The following RCAN2 variants were observed in gnomAD, a reference collection of about 807,000 sequenced individuals.
RCAN2 encodes the protein regulator of calcineurin 2.
RCAN2 carries 9 observed loss-of-function variants against 23.6 expected under a neutral mutation model. The ratio of observed to expected loss-of-function variants is 0.38; its 90% CI spans 0.23 to 0.67. The LOEUF (loss-of-function observed/expected upper bound fraction) is 0.67. RCAN2 is among the 30% of genes least tolerant of loss of function. RCAN2 has a pLI of 0.51. For synonymous variants in RCAN2, 109 were observed against 115.7 expected (o/e 0.94, Z 0.37); for missense variants, 273 against 302.3 (o/e 0.90, Z 0.72).
chr6:46,473,465 C>A (rs959104862), intron 1 of RCAN2, among the ~76,000 whole-genome samples: 3 of 152,024 alleles, frequency 2.0e-5, no homozygotes, highest in Non-Finnish European at 4.4e-5. Flanking sequence ...TCTCTTTAAA[C>A]AATAAACTAT....
intron 2 of RCAN2, among the ~76,000 whole-genome samples, chr6:46,337,533 T>C (rs1238860218): frequency 1.3e-5 from 2 of 152,242 alleles, no homozygotes; most frequent in African/African-American, 2.4e-5. Context: ...AAAGCAAACG[T>C]ACCATATTTG....
intron 1 of RCAN2, among the ~76,000 whole-genome samples, chr6:46,474,307 G>A (rs891328622): frequency 1.3e-5 from 2 of 152,042 alleles, no homozygotes; most frequent in Admixed American, 6.6e-5. Flanking sequence ...CATATTAAAA[G>A]AACTACAGGA....
intron 1 of RCAN2, among the ~76,000 whole-genome samples, chr6:46,479,960 T>A (rs1269785697): frequency 1.3e-5 from 2 of 152,186 alleles, no homozygotes; most frequent in Non-Finnish European, 2.9e-5. Context: ...TGAGGCAAAT[T>A]ACATAAGTCC....
At chr6:46,257,863 A>G (rs1174501655) in intron 2 of RCAN2, among the ~76,000 whole-genome samples, 2 of 152,316 alleles carry the variant, frequency 1.3e-5, no homozygotes, top group Middle Eastern at 3.4e-3. Flanking sequence ...TACTGCATAA[A>G]TATCACTGAT....
chr6:46,445,158 G>C (rs1458857605), intron 2 of RCAN2, among the ~76,000 whole-genome samples: 8 of 152,180 alleles, frequency 5.3e-5, no homozygotes, highest in African/African-American at 1.9e-4. Flanking sequence ...CCCTGCACCA[G>C]GTCAGCCTCT....
At chr6:46,249,341 CAG>C (rs1766632062) in intron 2 of RCAN2, among the ~76,000 whole-genome samples, 1 of 116,114 alleles carries the variant, frequency 8.6e-6, no homozygotes, top group Non-Finnish European at 1.7e-5. Flanking sequence ...TTTTTTTAGA[CAG>C]AGTCTTGCTC....
At position 46,222,165 on chromosome 6, in the gene RCAN2, A is replaced by G. The variant is rs1323375919; in HGVS notation, c.*976T>C. 1 of 394,560 alleles carries G rather than the reference A, an allele frequency of 2.5e-6. No homozygotes were observed. Among genetic ancestry groups the G allele is most frequent in the Admixed American group, 4.4e-5 (1 of 22,622 alleles). 24.4% of individuals were successfully genotyped at this position (394,560 alleles called of 1,614,324 possible). On this transcript the variant is annotated 3_prime_UTR_variant, in exon 5 of 5. Transcript: ENST00000371374. ...CAAAATTCAGCATTATCCTTATTAG[A>G]GTGTAATATTATCAGAGTATCTGTA...
At chr6:46,421,288 G>A (rs1021775957) in intron 2 of RCAN2, among the ~76,000 whole-genome samples, 1 of 152,142 alleles carries the variant, frequency 6.6e-6, no homozygotes, top group African/African-American at 2.4e-5. Context: ...CCAGACAGGA[G>A]GTGGCAGAGT....
chr6:46,251,606 C>T (rs1272063312), intron 2 of RCAN2, among the ~76,000 whole-genome samples: 2 of 151,858 alleles, frequency 1.3e-5, no homozygotes, highest in Admixed American at 6.6e-5. Context: ...GAGTCTAATT[C>T]CTTCCTTTTC....
chr6:46,343,121 A>G (rs1764379204), intron 2 of RCAN2, among the ~76,000 whole-genome samples: 1 of 152,150 alleles, frequency 6.6e-6, no homozygotes, highest in Non-Finnish European at 1.5e-5. Context: ...ATTCTAAATT[A>G]AACAGAAAAT....
At chr6:46,377,228 C>T (rs1317912482) in intron 2 of RCAN2, among the ~76,000 whole-genome samples, 3 of 152,152 alleles carry the variant, frequency 2.0e-5, no homozygotes, top group South Asian at 2.1e-4. Context: ...CTTCTAAAGT[C>T]GCTGGTATGC....
In RCAN2 at chr6:46,318,105, G is replaced by T. The variant is rs115418181; in HGVS notation, c.226-69209C>A. On this transcript the variant is annotated intron_variant, in intron 2 of 4. Coordinates refer to ENST00000371374, the MANE Select transcript of RCAN2 (RefSeq NM_001251974.2). Reference sequence around the variant, plus strand: ...CTGGAGCTTACATTTGTCACCATGTGGTGACATGTGGGATGGTTTAATGCT... The same window carrying T: ...CTGGAGCTTACATTTGTCACCATGTTGTGACATGTGGGATGGTTTAATGCT... 6.3e-4 allele frequency among the ~76,000 whole-genome samples: 96 copies of T among 152,268 alleles called. 1 individual carries two copies. Among genetic ancestry groups the T allele is most frequent in the Non-Finnish European group, 1.2e-3 (84 of 68,022 alleles).
chr6:46,438,874 A>G (rs150655315), intron 2 of RCAN2, among the ~76,000 whole-genome samples: 25 of 152,264 alleles, frequency 1.6e-4, no homozygotes, highest in Non-Finnish European at 3.4e-4. Flanking sequence ...ATAATTATTA[A>G]ATAATTGATG....
intron 1 of RCAN2, among the ~76,000 whole-genome samples, chr6:46,487,730 T>C (rs1769034643): frequency 6.6e-6 from 1 of 152,242 alleles, no homozygotes; most frequent in Non-Finnish European, 1.5e-5. Context: ...TCCAGGACCA[T>C]GCTTCCCCAA....
intron 4 of RCAN2, among the ~76,000 whole-genome samples, chr6:46,235,520 C>T (rs569172273): frequency 3.3e-5 from 5 of 152,274 alleles, no homozygotes; most frequent in South Asian, 2.1e-4. Context: ...GACTTACTGA[C>T]GTCTCTCTAC....
At chr6:46,456,404 T>C (rs1269078273) in intron 2 of RCAN2, among the ~76,000 whole-genome samples, 1 of 152,224 alleles carries the variant, frequency 6.6e-6, no homozygotes, top group Non-Finnish European at 1.5e-5. Context: ...ATTATATTTA[T>C]GGCAGAATAG....
At chr6:46,427,401 T>C (rs1264922091) in intron 2 of RCAN2, among the ~76,000 whole-genome samples, 1 of 152,192 alleles carries the variant, frequency 6.6e-6, no homozygotes, top group Non-Finnish European at 1.5e-5. Flanking sequence ...CATCAGTAAA[T>C]GGATGTAAGT....
chr6:46,455,555 T>C (rs1767993000), intron 2 of RCAN2, among the ~76,000 whole-genome samples: 1 of 151,590 alleles, frequency 6.6e-6, no homozygotes, highest in East Asian at 1.9e-4. Context: ...TATACTTTAG[T>C]TTAGAAAAAA....
chr6:46,234,179 T>C (rs575418196), intron 4 of RCAN2, among the ~76,000 whole-genome samples: 1 of 152,288 alleles, frequency 6.6e-6, no homozygotes, highest in African/African-American at 2.4e-5. Context: ...ATCAACTTAA[T>C]ACCATCAGAT....
Sources: allele counts gnomAD v4.1 joint callset (sites outside exome capture counted in the v4.1 genomes callset), GRCh38; gene constraint gnomAD v4.1.1; transcripts MANE v1.5; gene names NCBI Gene and HGNC (gene_info 2026-07-23, HGNC 2026-07-21).